Variants in ODAD2 observed in about 807,000 individuals in gnomAD.
The protein encoded by ODAD2 is outer dynein arm-docking complex subunit 2.
In ODAD2, 89 loss-of-function variants were observed where a neutral mutation model predicts 106.8. The observed-to-expected ratio is 0.83, with a 90% CI of 0.70 to 0.99. ODAD2 has a LOEUF of 0.99. Ranked by LOEUF, ODAD2 falls within the 50% of genes least tolerant of loss-of-function variation. The pLI is 0.00. For missense variants in ODAD2, 1,168 were observed against 1,238.5 expected (o/e 0.94, Z 0.85); for synonymous variants, 404 against 436.2 (o/e 0.93, Z 0.92).
chr10:27,923,709 A>G (rs574213000), intron 16 of ODAD2, among the ~76,000 whole-genome samples: 1 of 152,136 alleles, frequency 6.6e-6, no homozygotes, highest in East Asian at 1.9e-4. Context: ...GTGCTTTGAG[A>G]AGCCAATGGG....
intron 17 of ODAD2, among the ~76,000 whole-genome samples, chr10:27,890,112 C>T (rs1681806147): frequency 6.6e-6 from 1 of 152,062 alleles, no homozygotes; most frequent in African/African-American, 2.4e-5. Flanking sequence ...CAAATGTGTG[C>T]AATGAGGGAA....
At chr10:27,949,457 T>C (rs1194688899) in intron 10 of ODAD2, among the ~76,000 whole-genome samples, 2 of 152,064 alleles carry the variant, frequency 1.3e-5, no homozygotes, top group African/African-American at 2.4e-5. Flanking sequence ...TGAACTGAGA[T>C]CTGGACAGAA....
At chr10:27,818,225 C>T (rs80093330) in intron 19 of ODAD2, among the ~76,000 whole-genome samples, 1,803 of 152,022 alleles carry the variant, frequency 0.012, 56 homozygotes, top group Admixed American at 0.061. Flanking sequence ...CAAAACAAAA[C>T]GTTCCAACTA....
At chr10:27,927,163 T>C (rs1424384289) in intron 16 of ODAD2, among the ~76,000 whole-genome samples, 1 of 152,124 alleles carries the variant, frequency 6.6e-6, no homozygotes. Flanking sequence ...AGCCAAACTA[T>C]TAATATTAAG....
chr10:27,952,398 T>TA (rs1015482456), intron 10 of ODAD2, among the ~76,000 whole-genome samples: 19 of 152,136 alleles, frequency 1.2e-4, no homozygotes, highest in African/African-American at 4.1e-4. Flanking sequence ...TATTTTATTT[T>TA]TTTTTTTTAC....
At chr10:27,997,235 C>T (rs1850608614) in intron 1 of ODAD2, among the ~76,000 whole-genome samples, 2 of 152,154 alleles carry the variant, frequency 1.3e-5, no homozygotes, top group South Asian at 4.1e-4. Flanking sequence ...AACACATAAA[C>T]ATGTTCTGAT....
rs182751462 is a variant in ODAD2 at position 27,904,303 on chromosome 10, C to T, written c.2610+3360G>A. 1.8e-5 allele frequency: 7 copies of T among 383,178 alleles called. No homozygotes were observed. In the East Asian group the frequency reaches 4.4e-4, roughly 24 times the overall value. 23.7% of individuals were successfully genotyped at this position (383,178 alleles called of 1,614,324 possible). A position where few individuals can be genotyped will look rare whatever the true frequency, so the allele number is the denominator to read the frequency against. On this transcript the variant is annotated intron_variant, in intron 17 of 19. Transcript: ENST00000305242. Reference sequence around the variant, plus strand: ...GCACAGGACAAGAAAGGCAAGGATGCTGTGTATGCGCGGGGAACATGGCGT... The same window carrying T: ...GCACAGGACAAGAAAGGCAAGGATGTTGTGTATGCGCGGGGAACATGGCGT...
chr10:27,813,331 C>T (rs1473189680), intron 19 of ODAD2: 1 of 152,188 alleles, frequency 6.6e-6, no homozygotes, highest in Non-Finnish European at 1.5e-5. Context: ...CCATTTATTC[C>T]TCATCAGGCT....
chr10:27,837,508 G>A (rs1837985566), intron 19 of ODAD2, among the ~76,000 whole-genome samples: 3 of 152,078 alleles, frequency 2.0e-5, no homozygotes, highest in African/African-American at 7.2e-5. Context: ...AAATATCAGC[G>A]TTTTCAGTCA....
chr10:27,944,901 T>C lies in ODAD2; in HGVS notation c.1448A>G (p.Gln483Arg). ...TCTGATGGCCAACTGGCAGGTTTCT[T>C]GAGCTAAGCTGAAATCCCTCATTGA... ...LCSMRDFSLAQETCQLAIRDV... is the reference protein window; with the variant it reads ...LCSMRDFSLARETCQLAIRDV... The change falls in exon 11 of 20, where the codon CAA (glutamine) becomes CGA (arginine). Residue 483 changes from glutamine to arginine, a missense_variant. Physicochemically the swap from Gln to Arg is conservative, Grantham distance 43. Transcript: ENST00000305242. 6.2e-7 allele frequency: 1 copy of C among 1,614,172 alleles called. No individual in the cohort carries two copies. Among genetic ancestry groups the C allele is most frequent in the Non-Finnish European group, 8.5e-7 (1 of 1,180,002 alleles).
chr10:27,949,536 T>C (rs989519616), intron 10 of ODAD2, among the ~76,000 whole-genome samples: 4 of 152,056 alleles, frequency 2.6e-5, no homozygotes, highest in African/African-American at 7.2e-5. Context: ...GCAAACAGTA[T>C]ATGCAAAAAC....
At position 27,881,346 on chromosome 10, in the gene ODAD2, C is replaced by T. The variant is rs1209685228; in HGVS notation, c.2611-18724G>A. ...CAAACATTGTACTGTATATTCAATG[C>T]CACTTTAAAACCCAAAGAAGGCCAG... On this transcript the variant is annotated intron_variant, in intron 17 of 19. Transcript: ENST00000305242. 2.0e-5 allele frequency among the ~76,000 whole-genome samples: 3 copies of T among 151,950 alleles called. No homozygotes were observed. In the East Asian group the frequency reaches 5.8e-4, roughly 29 times the overall value.
intron 16 of ODAD2, among the ~76,000 whole-genome samples, chr10:27,915,471 T>G (rs540779327): frequency 6.6e-6 from 1 of 152,278 alleles, no homozygotes; most frequent in South Asian, 2.1e-4. Flanking sequence ...ATTTCATTTA[T>G]GAGGCCTCTA....
chr10:27,823,868 C>T (rs1020279478), intron 19 of ODAD2, among the ~76,000 whole-genome samples: 4 of 116,348 alleles, frequency 3.4e-5, no homozygotes, highest in African/African-American at 9.7e-5. Context: ...AGGCCGGGCG[C>T]GGTGGCTCAC....
chr10:27,816,896 T>C (rs1836177494), intron 19 of ODAD2, among the ~76,000 whole-genome samples: 1 of 152,018 alleles, frequency 6.6e-6, no homozygotes, highest in Non-Finnish European at 1.5e-5. Flanking sequence ...ATTACAGGCG[T>C]GTGGCACCAC....
chr10:27,946,465 G>A (rs1475005322), intron 10 of ODAD2, among the ~76,000 whole-genome samples: 1 of 152,008 alleles, frequency 6.6e-6, no homozygotes, highest in Non-Finnish European at 1.5e-5. Flanking sequence ...AAAATGTGTA[G>A]TGATCAAATC....
At chr10:27,857,774 C>T (rs1839762389) in intron 19 of ODAD2, among the ~76,000 whole-genome samples, 1 of 152,168 alleles carries the variant, frequency 6.6e-6, no homozygotes, top group Non-Finnish European at 1.5e-5. Context: ...TCTAACAAAG[C>T]AGCTAATCCT....
chr10:27,949,046 T>G (rs1011477644), intron 10 of ODAD2, among the ~76,000 whole-genome samples: 5 of 152,286 alleles, frequency 3.3e-5, no homozygotes, highest in African/African-American at 1.2e-4. Flanking sequence ...ATTACCCTGT[T>G]TGGTATACAG....
chr10:27,926,368 G>T (rs1845262980), intron 16 of ODAD2, among the ~76,000 whole-genome samples: 1 of 151,362 alleles, frequency 6.6e-6, no homozygotes, highest in African/African-American at 2.4e-5. Context: ...ATTAAAAACA[G>T]CCAATCAGTC....
Sources: allele counts gnomAD v4.1 joint callset (sites outside exome capture counted in the v4.1 genomes callset), GRCh38; gene constraint gnomAD v4.1.1; transcripts MANE v1.5; gene names NCBI Gene and HGNC (gene_info 2026-07-23, HGNC 2026-07-21).